Variants in SYCP2 observed in about 807,000 individuals in gnomAD.
SYCP2 encodes the protein synaptonemal complex protein 2.
Under a neutral mutation model 211.3 loss-of-function variants are expected in SYCP2, and 55 were observed. The ratio of observed to expected loss-of-function variants is 0.26; its 90% CI spans 0.21 to 0.33. The LOEUF is 0.33. Among genes scored for constraint, SYCP2 ranks in the 10% least tolerant of loss-of-function variants. SYCP2 has a pLI of 1.00. For missense variants in SYCP2, 1,731 were observed against 1,752.0 expected, an observed-to-expected ratio of 0.99 and a Z score of 0.21; for synonymous variants, 570 against 555.2, an observed-to-expected ratio of 1.03 and a Z score of -0.37.
At position 59,893,145 on chromosome 20, in the gene SYCP2, G is replaced by T. The variant is rs755625531; in HGVS notation, c.1790C>A (p.Thr597Asn). ...DSQAAEKRDH[T>N]ILPGVLDNIC... ...TTGATGGTTTTCTCATACTTACATA[G>T]TATGATCTCTTTTTTCCGCTGCCTG... The change falls in exon 22 of 45, where the codon ACT (threonine) becomes AAT (asparagine). Residue 597 changes from threonine to asparagine, a missense_variant. Thr to Asn is a moderately conservative substitution (Grantham distance 65). Around this residue, in one of 3 missense-constraint regions of SYCP2, gnomAD observed 1,387 missense variants for 1,351.3 expected, o/e 1.03. Transcript: ENST00000357552. 6.3e-7 allele frequency: 1 copy of T among 1,597,616 alleles called. No homozygotes were observed. Among genetic ancestry groups the T allele is most frequent in the South Asian group, 1.1e-5 (1 of 90,126 alleles).
intron 16 of SYCP2, among the ~76,000 whole-genome samples, chr20:59,901,136 C>T (rs2060108506): frequency 6.6e-6 from 1 of 151,998 alleles, no homozygotes; most frequent in African/African-American, 2.4e-5. Flanking sequence ...GAATTGTCAC[C>T]TTAGATTCTC....
chr20:59,898,955 T>C (rs1193216146), intron 18 of SYCP2, among the ~76,000 whole-genome samples: 2 of 152,144 alleles, frequency 1.3e-5, no homozygotes, highest in East Asian at 1.9e-4. Context: ...AATTAAATTA[T>C]AGAAAGTCTC....
chr20:59,873,959 C>A lies in SYCP2; in HGVS notation c.3452G>T (p.Ser1151Ile). The part of the protein sequence containing the change: ...PKTSSLESLN[S>I]NSGVGGTIKS... ...TATTGTACCTCCAACTCCACTGTTA[C>A]TATTTAAGGATTCAAGTGATGAAGT... is the stretch of plus-strand genomic sequence containing the variant. Residue 1151 changes from serine (S) to isoleucine (I), a missense_variant, in exon 35 of 45, where the codon AGT becomes ATT. Coordinates refer to ENST00000357552, the MANE Select transcript of SYCP2 (RefSeq NM_014258.4). The A allele has an allele frequency of 6.2e-7, 1 of 1,613,194 alleles. No individual in the cohort carries two copies. The highest frequency in any genetic ancestry group is 8.5e-7 in the Non-Finnish European group (1 of 1,179,526).
chr20:59,894,900 CT>C (rs1243547368), intron 20 of SYCP2, among the ~76,000 whole-genome samples: 1 of 152,058 alleles, frequency 6.6e-6, no homozygotes, highest in Non-Finnish European at 1.5e-5. Flanking sequence ...CCATTTGACT[CT>C]TTATTGACCT....
chr20:59,924,755 C>A (rs1406623947), intron 2 of SYCP2, among the ~76,000 whole-genome samples: 1 of 151,758 alleles, frequency 6.6e-6, no homozygotes, highest in African/African-American at 2.4e-5. Context: ...ACCACACAAA[C>A]AAAAGAAAGC....
At chr20:59,925,537 T>C (rs1044620342) in intron 2 of SYCP2, among the ~76,000 whole-genome samples, 2 of 152,080 alleles carry the variant, frequency 1.3e-5, no homozygotes, top group African/African-American at 4.8e-5. Flanking sequence ...TGGTTATCAG[T>C]TAATGTAAAC....
chr20:59,870,125 ATAAC>A (rs2059422537), intron 35 of SYCP2, 142 bp from the exon 36 acceptor site: 14 of 543,166 alleles, frequency 2.6e-5, no homozygotes, highest in Non-Finnish European at 4.4e-5. Flanking sequence ...ATTCCAATTC[ATAAC>A]TAAAAATAAA....
At chr20:59,912,872 T>A (rs576506600) in intron 12 of SYCP2, among the ~76,000 whole-genome samples, 1 of 152,338 alleles carries the variant, frequency 6.6e-6, no homozygotes, top group East Asian at 1.9e-4. Flanking sequence ...TGCATCTTCC[T>A]CATTCTTTCT....
chr20:59,918,737 T>C (rs1428673752), intron 7 of SYCP2, among the ~76,000 whole-genome samples: 1 of 152,156 alleles, frequency 6.6e-6, no homozygotes, highest in African/African-American at 2.4e-5. Context: ...AACCTCATTA[T>C]AGACAGGGAT....
rs1413961934 is a variant in SYCP2, at chr20:59,911,863, C to T, written c.877-18G>A. 1.5e-6 allele frequency: 2 copies of T among 1,321,200 alleles called. No individual in the cohort carries two copies. The highest frequency in any genetic ancestry group is 2.1e-6 in the Non-Finnish European group (2 of 936,656). 81.8% of individuals were successfully genotyped at this position (1,321,200 alleles called of 1,614,324 possible). On this transcript the variant is annotated intron_variant, in intron 13 of 44. Transcript: ENST00000357552. ...ATTTGCAGCTAATAAAATAAACATA[C>T]AAAACTGGAATATACAATGATTTTA...
chr20:59,888,150 T>TC (rs1468395584), intron 24 of SYCP2, among the ~76,000 whole-genome samples: 151 of 152,172 alleles, frequency 9.9e-4, no homozygotes, highest in African/African-American at 3.4e-3. Flanking sequence ...ACTTCCTAAC[T>TC]TAGTCTATGA....
intron 23 of SYCP2, 25 bp from the exon 24 acceptor site, chr20:59,892,451 TTC>T (rs780065750): frequency 9.6e-6 from 14 of 1,463,868 alleles, no homozygotes; most frequent in South Asian, 1.3e-5. Context: ...GAGAAATTAA[TTC>T]TTTTTAAATT....
At position 59,873,211 on chromosome 20, in the gene SYCP2, T is replaced by G. The variant is rs114311330; in HGVS notation, c.3555+645A>C. Among the ~76,000 whole-genome samples, 759 of 152,232 alleles carry G rather than the reference T, an allele frequency of 5.0e-3. 4 individuals are homozygous for G. Among genetic ancestry groups the G allele is most frequent in the African/African-American group, 0.017 (724 of 41,570 alleles). ...TTGGTTCCTTATTAAGCACAGAATA[T>G]TCACCATTTCACTTAAAGGAAAACT... On this transcript the variant is annotated intron_variant, in intron 35 of 44. Coordinates refer to ENST00000357552, the MANE Select transcript of SYCP2 (RefSeq NM_014258.4).
At chr20:59,901,493 C>G (rs563537165) in intron 16 of SYCP2, among the ~76,000 whole-genome samples, 169 bp downstream of exon 16, 1 of 151,986 alleles carries the variant, frequency 6.6e-6, no homozygotes, top group Non-Finnish European at 1.5e-5. Flanking sequence ...TAATGGGTAT[C>G]TCAATAGATA....
chr20:59,926,422 T>A (rs2060635340), intron 2 of SYCP2, among the ~76,000 whole-genome samples: 1 of 152,040 alleles, frequency 6.6e-6, no homozygotes, highest in Admixed American at 6.6e-5. Flanking sequence ...GCAGTATAAA[T>A]CCACTCTCTG....
At chr20:59,874,188 G>A in intron 34 of SYCP2, 127 bp from the exon 35 acceptor site, 3 of 514,446 alleles carry the variant, frequency 5.8e-6, no homozygotes, top group South Asian at 8.9e-5. Flanking sequence ...CTATAAAAAA[G>A]GATAGCTTTA....
chr20:59,919,125 A>G (rs2060494102), intron 7 of SYCP2, 33 bp downstream of exon 7: 2 of 1,161,938 alleles, frequency 1.7e-6, no homozygotes, highest in Non-Finnish European at 2.5e-6. Flanking sequence ...AGTAAAATTT[A>G]TTGTTCCAAT....
intron 2 of SYCP2, among the ~76,000 whole-genome samples, chr20:59,931,411 G>C (rs1238041911): frequency 6.6e-6 from 1 of 152,192 alleles, no homozygotes; most frequent in Admixed American, 6.5e-5. Context: ...AATCATCATA[G>C]CCATACATGT....
Position 59,867,861 on chromosome 20 carries a change from A to G in SYCP2, c.3989-14T>C. ...CACTTTCAGACACTAAAAAATGAAA[A>G]CAATCTGCTGAAGTTAAAATATGCA... is the stretch of plus-strand genomic sequence containing the variant. On this transcript the variant is annotated splice_polypyrimidine_tract_variant and intron_variant, in intron 38 of 44. Coordinates refer to ENST00000357552, the MANE Select transcript of SYCP2 (RefSeq NM_014258.4). The G allele has an allele frequency of 5.0e-6, 8 of 1,587,270 alleles. No homozygotes were observed. Among genetic ancestry groups the G allele is most frequent in the Non-Finnish European group, 1.7e-6 (2 of 1,163,450 alleles).
Sources: allele counts gnomAD v4.1 joint callset (sites outside exome capture counted in the v4.1 genomes callset), GRCh38; gene constraint gnomAD v4.1.1; regional missense constraint gnomAD v4.1.1; transcripts MANE v1.5; gene names NCBI Gene and HGNC (gene_info 2026-07-23, HGNC 2026-07-21).